Variants in CPQ observed in about 807,000 individuals in gnomAD.
The protein encoded by CPQ is carboxypeptidase Q.
A neutral mutation model predicts 45.7 loss-of-function variants in CPQ; 37 were observed. The ratio of observed to expected loss-of-function variants is 0.81; its 90% CI spans 0.62 to 1.07. The LOEUF (loss-of-function observed/expected upper bound fraction) is 1.07, where lower values mean the gene tolerates loss of function less well. Ranked by LOEUF, CPQ falls within the 50% of genes least tolerant of loss-of-function variation. CPQ has a pLI of 0.00. For synonymous variants in CPQ, 186 were observed against 205.8 expected (o/e 0.90, Z 0.82); for missense variants, 537 against 572.9 (o/e 0.94, Z 0.64).
chr8:96,756,121 G>T lies in CPQ; in HGVS notation c.-34-28743G>T, dbSNP rs189186877. Among the ~76,000 whole-genome samples the T allele has an allele frequency of 1.3e-4, 20 of 151,896 alleles. 1 individual carries two copies. Among genetic ancestry groups the T allele is most frequent in the Admixed American group, 1.2e-3 (19 of 15,250 alleles). ...TATAGACTTTATCTATTGATTCTTCGATATGAAAGAGTAAGGCTCAAGTTA... is the reference window on the plus strand; with the variant it reads ...TATAGACTTTATCTATTGATTCTTCTATATGAAAGAGTAAGGCTCAAGTTA... On this transcript the variant is annotated intron_variant, in intron 1 of 7. Coordinates refer to ENST00000220763, the MANE Select transcript of CPQ (RefSeq NM_016134.4).
At chr8:96,653,597 AT>A (rs1197663298) in intron 1 of CPQ, among the ~76,000 whole-genome samples, 2 of 152,256 alleles carry the variant, frequency 1.3e-5, no homozygotes, top group East Asian at 3.8e-4. Context: ...TAAATAGCCA[AT>A]TAACACATAT....
At chr8:97,010,755 G>C (rs533090455) in intron 5 of CPQ, among the ~76,000 whole-genome samples, 1 of 152,126 alleles carries the variant, frequency 6.6e-6, no homozygotes, top group South Asian at 2.1e-4. Flanking sequence ...TCTCTGCAGA[G>C]AACAGTAAGA....
chr8:97,048,729 C>T (rs924915570), intron 6 of CPQ, among the ~76,000 whole-genome samples: 3 of 152,162 alleles, frequency 2.0e-5, no homozygotes, highest in Non-Finnish European at 2.9e-5. Flanking sequence ...CCTAATACAA[C>T]AGAGGTGGAA....
intron 7 of CPQ, among the ~76,000 whole-genome samples, chr8:97,102,791 A>G (rs1811335777): frequency 6.6e-6 from 1 of 152,218 alleles, no homozygotes; most frequent in South Asian, 2.1e-4. Flanking sequence ...TTAGTTGACT[A>G]TATTAGTTTC....
At position 96,781,468 on chromosome 8, in the gene CPQ, C is replaced by T. The variant is rs182525083; in HGVS notation, c.-34-3396C>T. 1.4e-4 allele frequency among the ~76,000 whole-genome samples: 21 copies of T among 152,256 alleles called. No individual in the cohort carries two copies. In the East Asian group the frequency reaches 3.7e-3, roughly 27 times the overall value. ...AAATAACCCATTCCCTCAATAAAGG[C>T]ATTTGTCCATTCACGAGGGCAAATC... On this transcript the variant is annotated intron_variant, in intron 1 of 7. Transcript: ENST00000220763.
chr8:97,027,586 T>C (rs994233347), intron 5 of CPQ, among the ~76,000 whole-genome samples: 2 of 152,224 alleles, frequency 1.3e-5, no homozygotes, highest in Non-Finnish European at 2.9e-5. Flanking sequence ...TAGTGCCTAA[T>C]GATAGCAGGA....
At chr8:97,064,867 G>A (rs908045546) in intron 6 of CPQ, among the ~76,000 whole-genome samples, 14 of 152,102 alleles carry the variant, frequency 9.2e-5, no homozygotes, top group African/African-American at 3.4e-4. Flanking sequence ...AAAGCAGAGG[G>A]TTTCAGAGCC....
intron 5 of CPQ, among the ~76,000 whole-genome samples, chr8:96,995,669 TAA>T (rs746954715): frequency 8.6e-4 from 126 of 146,644 alleles, no homozygotes; most frequent in African/African-American, 3.0e-3. Context: ...TTTTTTTTTT[TAA>T]AAAAAAAACA....
At position 96,793,792 on chromosome 8, in the gene CPQ, G is replaced by A. The variant is rs1247792665; in HGVS notation, c.433+8462G>A. The stretch of plus-strand genomic sequence containing the variant: ...GGGGTACAGGCATTGGGTAAATACA[G>A]CCATTCCTTGTGGGAGAAATTGGCC... On this transcript the variant is annotated intron_variant, in intron 2 of 7. Coordinates refer to ENST00000220763, the MANE Select transcript of CPQ (RefSeq NM_016134.4). Among the ~76,000 whole-genome samples, 4 of 152,174 alleles carry A rather than the reference G, an allele frequency of 2.6e-5. No individual in the cohort carries two copies. The East Asian group carries it at 7.7e-4, about 29-fold the overall frequency.
chr8:97,013,867 GA>G (rs1563554316), intron 5 of CPQ, among the ~76,000 whole-genome samples: 1 of 152,152 alleles, frequency 6.6e-6, no homozygotes, highest in Non-Finnish European at 1.5e-5. Context: ...TATAGAAAAA[GA>G]TGTATTCTTT....
intron 3 of CPQ, among the ~76,000 whole-genome samples, chr8:96,835,546 C>A (rs2319931): frequency 0.52 from 79,177 of 151,944 alleles, 21,818 homozygotes; most frequent in East Asian, 0.88. Context: ...AGCCTGTTTT[C>A]CATGTTGCTA....
intron 5 of CPQ, among the ~76,000 whole-genome samples, chr8:96,971,943 T>C (rs1011526661): frequency 6.6e-6 from 1 of 152,172 alleles, no homozygotes; most frequent in Non-Finnish European, 1.5e-5. Flanking sequence ...GAGACTCACA[T>C]AGTGAACTTT....
At chr8:96,738,613 CCCCCAACCCACAACAGT>C (rs1810029152) in intron 1 of CPQ, among the ~76,000 whole-genome samples, 1 of 152,082 alleles carries the variant, frequency 6.6e-6, no homozygotes, top group African/African-American at 2.4e-5. Context: ...CTCCCCACTC[CCCCCAACCCACAACAGT>C]CCCCAGAGTG....
At chr8:96,705,472 T>C (rs1809520591) in intron 1 of CPQ, among the ~76,000 whole-genome samples, 1 of 152,198 alleles carries the variant, frequency 6.6e-6, no homozygotes, top group Non-Finnish European at 1.5e-5. Context: ...GCCTTTTGTC[T>C]ATAACTGTGA....
intron 4 of CPQ, among the ~76,000 whole-genome samples, chr8:96,909,749 G>A (rs781347377): frequency 1.3e-5 from 2 of 152,186 alleles, no homozygotes; most frequent in Non-Finnish European, 2.9e-5. Flanking sequence ...CTGGTAGCCA[G>A]CCTGCCTGTC....
Position 96,851,533 on chromosome 8 carries a change from C to T in CPQ, c.641+16353C>T, listed in dbSNP as rs969063193. ...TTCTTCATCCTCCAGAGGGGAGGAA[C>T]GCTGTGTCCTCACATGTGGAAGAAC... On this transcript the variant is annotated intron_variant, in intron 3 of 7. Coordinates refer to ENST00000220763, the MANE Select transcript of CPQ (RefSeq NM_016134.4). Among the ~76,000 whole-genome samples the T allele has an allele frequency of 3.9e-5, 6 of 152,170 alleles. No homozygotes were observed. The East Asian group carries it at 5.8e-4, about 15-fold the overall frequency.
chr8:96,649,973 A>G (rs1392469944), intron 1 of CPQ, among the ~76,000 whole-genome samples: 3 of 152,246 alleles, frequency 2.0e-5, no homozygotes, highest in Non-Finnish European at 4.4e-5. Context: ...TCAAAGGAAC[A>G]AAGATAAGGA....
At chr8:96,678,545 C>T (rs373274185) in intron 1 of CPQ, among the ~76,000 whole-genome samples, 3 of 151,992 alleles carry the variant, frequency 2.0e-5, no homozygotes, top group Non-Finnish European at 4.4e-5. Flanking sequence ...AGTATATAAG[C>T]GTTCCCTTTT....
chr8:96,934,552 T>G (rs1813019045), intron 4 of CPQ, among the ~76,000 whole-genome samples: 1 of 152,182 alleles, frequency 6.6e-6, no homozygotes. Flanking sequence ...TCTTTGATAG[T>G]CAGGACTGGT....
Sources: gnomAD v4.1 joint callset for allele counts (sites outside exome capture counted in the v4.1 genomes callset) on GRCh38, gnomAD v4.1.1 for gene constraint, MANE v1.5 for transcripts, NCBI Gene and HGNC (gene_info 2026-07-23, HGNC 2026-07-21) for gene names.